Variants in WAC observed in about 807,000 individuals in gnomAD.
WAC encodes WW domain-containing adapter protein with coiled-coil.
A neutral mutation model predicts 79.6 loss-of-function variants in WAC; 11 were observed. The ratio of observed to expected loss-of-function variants is 0.14; its 90% confidence interval spans 0.09 to 0.23. The LOEUF is 0.23. Among genes scored for constraint, WAC ranks in the 10% least tolerant of loss-of-function variants. The probability of loss-of-function intolerance (pLI) is 1.00; values close to 1 mark genes in which losing one functional copy is unlikely to be tolerated. For synonymous variants in WAC, 304 were observed against 276.9 expected, an observed-to-expected ratio of 1.10 and a Z score of -0.97; for missense variants, 728 against 773.5, an observed-to-expected ratio of 0.94 and a Z score of 0.70.
At chr10:28,560,110 C>T (rs1838220811) in intron 3 of WAC, among the ~76,000 whole-genome samples, 1 of 151,944 alleles carries the variant, frequency 6.6e-6, no homozygotes, top group South Asian at 2.1e-4. Context: ...GGGAGGCTGA[C>T]ATGGGAGGAT....
rs1052978768 is a variant in WAC, at chr10:28,541,598, A to G, written c.274+5841A>G. 6.6e-5 allele frequency among the ~76,000 whole-genome samples: 10 copies of G among 151,724 alleles called. No individual in the cohort carries two copies. The East Asian group carries it at 1.9e-3, about 29-fold the overall frequency. Reference sequence around the variant, plus strand: ...AACAGTCCTTTTCAGGATTTGTATGATGCTTTATAATTTTCAAAGGGTTTC... The same window carrying G: ...AACAGTCCTTTTCAGGATTTGTATGGTGCTTTATAATTTTCAAAGGGTTTC... On this transcript the variant is annotated intron_variant, in intron 3 of 13. Coordinates refer to ENST00000354911, the MANE Select transcript of WAC (RefSeq NM_016628.5).
rs886950097 is a variant in WAC at position 28,620,912 on chromosome 10, T to C, written c.*1306T>C. Reference sequence around the variant, plus strand: ...GTGTAATTGGAGCTTCCTGCTGTTATCTGGAAATAGCAGGAAAGCGCAGCT... The same window carrying C: ...GTGTAATTGGAGCTTCCTGCTGTTACCTGGAAATAGCAGGAAAGCGCAGCT... On this transcript the variant is annotated 3_prime_UTR_variant, in exon 14 of 14. Transcript: ENST00000354911. The C allele has an allele frequency of 3.3e-5, 5 of 152,236 alleles. No homozygotes were observed. Among genetic ancestry groups the C allele is most frequent in the Non-Finnish European group, 5.9e-5 (4 of 68,030 alleles). The allele number at this position is 152,236 out of a possible 1,614,324, so 9.4% of individuals were successfully genotyped here.
Position 28,547,937 on chromosome 10 carries a change from TGAGA to T in WAC, c.274+12186_274+12189del, listed in dbSNP as rs372841120. Among the ~76,000 whole-genome samples the T allele has an allele frequency of 2.7e-3, 404 of 151,150 alleles. 3 individuals are homozygous for T. Among genetic ancestry groups the T allele is most frequent in the African/African-American group, 9.5e-3 (392 of 41,154 alleles). ...TTTCTTTTTTTTTTTTTTTCTTCTT[TGAGA>T]GAGAGTTTCGCTCTTGTTGCTGAAC... is the stretch of plus-strand genomic sequence containing the variant. On this transcript the variant is annotated intron_variant, in intron 3 of 13. Coordinates refer to ENST00000354911, the MANE Select transcript of WAC (RefSeq NM_016628.5).
chr10:28,600,652 A>G (rs961480303), intron 7 of WAC, among the ~76,000 whole-genome samples: 2 of 152,112 alleles, frequency 1.3e-5, no homozygotes, highest in African/African-American at 2.4e-5. Context: ...ATTGTTTGTA[A>G]TTTGAGGGTA....
intron 7 of WAC, among the ~76,000 whole-genome samples, chr10:28,596,398 T>A (rs540850344): frequency 6.6e-6 from 1 of 151,690 alleles, no homozygotes; most frequent in East Asian, 2.1e-4. Context: ...TTTCTCTTAA[T>A]ACTTAATATA....
intron 4 of WAC, among the ~76,000 whole-genome samples, chr10:28,587,710 T>C (rs985780867): frequency 6.6e-6 from 1 of 152,204 alleles, no homozygotes; most frequent in Non-Finnish European, 1.5e-5. Context: ...TCCTTGAGGA[T>C]GGCAGTGGGG....
intron 3 of WAC, among the ~76,000 whole-genome samples, chr10:28,557,161 T>C (rs1283634487): frequency 1.3e-5 from 2 of 152,004 alleles, no homozygotes. Context: ...CAACTGGTAA[T>C]ATAGGTGTTT....
intron 3 of WAC, among the ~76,000 whole-genome samples, chr10:28,538,083 G>T (rs903839161): frequency 6.6e-6 from 1 of 152,010 alleles, no homozygotes; most frequent in African/African-American, 2.4e-5. Context: ...CTCCATTCTG[G>T]AATTGAGAGT....
At chr10:28,559,328 G>C (rs1838181782) in intron 3 of WAC, among the ~76,000 whole-genome samples, 1 of 152,166 alleles carries the variant, frequency 6.6e-6, no homozygotes, top group South Asian at 2.1e-4. Flanking sequence ...CTTTGGGAGT[G>C]AGGGAAGTGT....
Position 28,583,469 on chromosome 10 carries a change from T to C in WAC, c.345T>C (p.Ser115=). 1 of 1,592,026 alleles carries C rather than the reference T, an allele frequency of 6.3e-7. No homozygotes were observed. The highest frequency in any genetic ancestry group is 1.1e-5 in the South Asian group (1 of 87,498). The change falls in exon 4 of 14, where the codon TCT becomes TCC. Residue 115 remains serine (S), a synonymous_variant. Transcript: ENST00000354911. ...TTCATAGTTCAAATTCACATTCTTC[T>C]AATCCAAGCAATAACCCAAGCAAAA... is the stretch of plus-strand genomic sequence containing the variant. ...SALHSSNSHS[S]NPSNNPSKTS...
Position 28,621,156 on chromosome 10 carries a change from A to G in WAC, c.*1550A>G, listed in dbSNP as rs1373383517. On this transcript the variant is annotated 3_prime_UTR_variant, in exon 14 of 14. Coordinates refer to ENST00000354911, the MANE Select transcript of WAC (RefSeq NM_016628.5). ...ATCAAAATCTTGCCATCTGATTTAG[A>G]AAGGTGTTTCTTCTTCTTCTTCTTT... 2 of 151,386 alleles carry G rather than the reference A, an allele frequency of 1.3e-5. No individual in the cohort carries two copies. The highest frequency in any genetic ancestry group is 2.9e-5 in the Non-Finnish European group (2 of 67,938). 9.4% of individuals were successfully genotyped at this position (151,386 alleles called of 1,614,324 possible).
At chr10:28,614,825 T>G in intron 11 of WAC, 140 bp downstream of exon 11, 1 of 706,544 alleles carries the variant, frequency 1.4e-6, no homozygotes, top group Non-Finnish European at 2.3e-6. Context: ...TGTTGTAAAA[T>G]TTACAAAGAC....
chr10:28,564,886 G>T (rs979118345), intron 3 of WAC, among the ~76,000 whole-genome samples: 1 of 152,116 alleles, frequency 6.6e-6, no homozygotes, highest in African/African-American at 2.4e-5. Flanking sequence ...TCCATGCAGG[G>T]TTGGTTGTTG....
chr10:28,552,457 CT>C (rs1216983725), intron 3 of WAC, among the ~76,000 whole-genome samples: 1 of 152,092 alleles, frequency 6.6e-6, no homozygotes, highest in African/African-American at 2.4e-5. Context: ...ATTAATGTTG[CT>C]GTCAGTGGAG....
intron 3 of WAC, among the ~76,000 whole-genome samples, chr10:28,581,044 G>A (rs1017179140): frequency 2.0e-5 from 3 of 152,082 alleles, no homozygotes; most frequent in African/African-American, 7.2e-5. Context: ...GCAACAAATT[G>A]TGACACACTT....
chr10:28,566,711 G>A (rs1172338055), intron 3 of WAC, among the ~76,000 whole-genome samples: 1 of 152,132 alleles, frequency 6.6e-6, no homozygotes, highest in Non-Finnish European at 1.5e-5. Flanking sequence ...TAGTGTTACT[G>A]TGGAAAAGTC....
Position 28,535,630 on chromosome 10 carries a change from C to G in WAC, c.147C>G (p.Ala49=). The G allele has an allele frequency of 1.9e-6, 3 of 1,613,948 alleles. No homozygotes were observed. Among genetic ancestry groups the G allele is most frequent in the East Asian group, 2.2e-5 (1 of 44,872 alleles). Residue 49 remains alanine (A), a synonymous_variant, in exon 3 of 14, where the codon GCC becomes GCG. Transcript: ENST00000354911. ...ACAGACATGAAAAGATGCGAGACGC[C>G]GGAGATCCTTCACCACCAAATAAAA... ...GDHRHEKMRD[A]GDPSPPNKML... is the part of the protein sequence containing the mutation.
At chr10:28,586,429 A>G (rs542762389) in intron 4 of WAC, among the ~76,000 whole-genome samples, 3 of 152,290 alleles carry the variant, frequency 2.0e-5, no homozygotes, top group Non-Finnish European at 4.4e-5. Flanking sequence ...TAATCCCAGC[A>G]CTTTGGAATG....
intron 9 of WAC, chr10:28,611,217 G>C (rs1841224031): frequency 1.9e-5 from 24 of 1,261,826 alleles, no homozygotes; most frequent in Non-Finnish European, 2.5e-5. Flanking sequence ...TTTTTTGACT[G>C]GATAATATGG....
Sources: gnomAD v4.1 joint callset for allele counts (sites outside exome capture counted in the v4.1 genomes callset) on GRCh38, gnomAD v4.1.1 for gene constraint, MANE v1.5 for transcripts, NCBI Gene and HGNC (gene_info 2026-07-23, HGNC 2026-07-21) for gene names.